Variants in ATP6V0E1 observed in about 807,000 individuals in gnomAD.
ATP6V0E1 encodes ATPase H+ transporting V0 subunit e1.
ATP6V0E1 carries 4 observed loss-of-function variants against 11.6 expected under a neutral mutation model. That is an observed-to-expected ratio of 0.35 (90% CI 0.17 to 0.79). The LOEUF is 0.79. Among genes scored for constraint, ATP6V0E1 ranks in the 30% least tolerant of loss-of-function variants. ATP6V0E1 has a pLI of 0.54. For synonymous variants in ATP6V0E1, 36 were observed against 34.8 expected (o/e 1.04, Z -0.13); for missense variants, 105 against 100.0 (o/e 1.05, Z -0.21).
At chr5:172,986,542 T>G in intron 1 of ATP6V0E1, 1 of 245,534 alleles carries the variant, frequency 4.1e-6, no homozygotes, top group Middle Eastern at 1.6e-3. Context: ...GGGATGGGAG[T>G]GTTTGAGACC....
chr5:172,988,004 C>T (rs866169904), intron 1 of ATP6V0E1, among the ~76,000 whole-genome samples: 30 of 152,278 alleles, frequency 2.0e-4, no homozygotes, highest in African/African-American at 6.0e-4. Context: ...TAAGCCACCT[C>T]GGACCTAATC....
chr5:172,991,815 A>G (rs1755981401), intron 1 of ATP6V0E1, among the ~76,000 whole-genome samples: 1 of 152,072 alleles, frequency 6.6e-6, no homozygotes, highest in Non-Finnish European at 1.5e-5. Flanking sequence ...ATCCACTTGG[A>G]TTATGTAATT....
At chr5:173,017,370 C>T (rs1474825147) in intron 2 of ATP6V0E1, among the ~76,000 whole-genome samples, 1 of 150,804 alleles carries the variant, frequency 6.6e-6, no homozygotes, top group East Asian at 2.0e-4. Flanking sequence ...CCCATCTTTA[C>T]TAAAAATACA....
intron 2 of ATP6V0E1, among the ~76,000 whole-genome samples, chr5:173,000,468 A>C (rs954471971): frequency 2.6e-5 from 4 of 152,204 alleles, no homozygotes; most frequent in African/African-American, 9.6e-5. Context: ...GTGAAGACAC[A>C]GTTGTTTCTT....
Position 173,023,883 on chromosome 5 carries a change from GATGATCTAATA to G in ATP6V0E1, c.*36+3517_*36+3527del, listed in dbSNP as rs1385939819. On this transcript the variant is annotated intron_variant, in intron 3 of 3. Transcript: ENST00000519374. ...ACAAAAAACTTTTCCTCATCAACAG[GATGATCTAATA>G]GACTTGAAATATAGATCATGGGGCC... Among the ~76,000 whole-genome samples the G allele has an allele frequency of 1.6e-4, 25 of 151,708 alleles. 1 individual carries two copies.
At chr5:173,012,710 C>T (rs888538445) in intron 2 of ATP6V0E1, among the ~76,000 whole-genome samples, 1 of 150,538 alleles carries the variant, frequency 6.6e-6, no homozygotes, top group Non-Finnish European at 1.5e-5. Context: ...GCTGAGATCG[C>T]GTGCCATTCC....
At position 173,020,635 on chromosome 5, in the gene ATP6V0E1, C is replaced by T. The variant is rs74759042; in HGVS notation, c.*36+268C>T. On this transcript the variant is annotated intron_variant, in intron 3 of 3. Coordinates refer to ENST00000519374, the MANE Select transcript of ATP6V0E1 (RefSeq NM_003945.4). ...TTAAGCTTGCATGCACTCTTTCAGA[C>T]GCAGATCAAAAAAGTAACTGTTTAT... The T allele has an allele frequency of 5.6e-3, 2,963 of 532,806 alleles. 63 individuals are homozygous for T. The highest frequency in any genetic ancestry group is 0.045 in the African/African-American group (2,392 of 52,906). 33.0% of individuals were successfully genotyped at this position (532,806 alleles called of 1,614,324 possible).
intron 2 of ATP6V0E1, among the ~76,000 whole-genome samples, chr5:172,997,359 A>G (rs557319417): frequency 4.3e-4 from 66 of 152,344 alleles, no homozygotes; most frequent in African/African-American, 1.5e-3. Context: ...AATGTCAGTA[A>G]TATGCAAGAC....
At chr5:173,019,512 C>T (rs1378553832) in intron 2 of ATP6V0E1, among the ~76,000 whole-genome samples, 1 of 151,854 alleles carries the variant, frequency 6.6e-6, no homozygotes, top group African/African-American at 2.4e-5. Context: ...CGAGATTGCA[C>T]CACTGCAGTC....
chr5:173,002,153 C>T (rs1269011510), intron 2 of ATP6V0E1, among the ~76,000 whole-genome samples: 1 of 152,212 alleles, frequency 6.6e-6, no homozygotes, highest in Non-Finnish European at 1.5e-5. Flanking sequence ...AAATCCCAGA[C>T]ATATCAGTTC....
At chr5:172,987,558 A>T (rs1202548240) in intron 1 of ATP6V0E1, among the ~76,000 whole-genome samples, 1 of 152,052 alleles carries the variant, frequency 6.6e-6, no homozygotes, top group Admixed American at 6.6e-5. Flanking sequence ...TGCTGAGATT[A>T]CAGGTGTGAG....
At chr5:173,032,691 T>G (rs914573702) in intron 3 of ATP6V0E1, among the ~76,000 whole-genome samples, 1 of 152,216 alleles carries the variant, frequency 6.6e-6, no homozygotes, top group Non-Finnish European at 1.5e-5. Context: ...CTTTTTTGAT[T>G]GTTTCTTTGT....
intron 2 of ATP6V0E1, among the ~76,000 whole-genome samples, chr5:173,013,178 G>A (rs892727831): frequency 6.6e-6 from 1 of 150,432 alleles, no homozygotes; most frequent in African/African-American, 2.4e-5. Context: ...CAAGACACTT[G>A]TGTTAAAAAA....
chr5:173,024,155 G>A (rs1304290766), intron 3 of ATP6V0E1, among the ~76,000 whole-genome samples: 5 of 135,000 alleles, frequency 3.7e-5, no homozygotes, highest in African/African-American at 8.6e-5. Flanking sequence ...CGGAGATTGC[G>A]CCACTGCATT....
At chr5:173,024,478 C>T (rs1303557065) in intron 3 of ATP6V0E1, among the ~76,000 whole-genome samples, 1 of 151,832 alleles carries the variant, frequency 6.6e-6, no homozygotes, top group Non-Finnish European at 1.5e-5. Flanking sequence ...AGTTTCCTTA[C>T]TTTCTGGCAA....
chr5:172,988,062 T>C lies in ATP6V0E1; in HGVS notation c.104+4098T>C, dbSNP rs145111013. Among the ~76,000 whole-genome samples the C allele has an allele frequency of 3.2e-3, 494 of 152,240 alleles. 6 individuals carry two copies. The highest frequency in any genetic ancestry group is 0.025 in the East Asian group (128 of 5,190). On this transcript the variant is annotated intron_variant, in intron 1 of 3. Transcript: ENST00000519374. ...TCCTATAAGTTTTTTTCCATTTAAATTTTTTTTAACTTTTTAAACTTTTTT... is the reference window on the plus strand; with the variant it reads ...TCCTATAAGTTTTTTTCCATTTAAACTTTTTTTAACTTTTTAAACTTTTTT...
chr5:173,020,916 G>A, intron 3 of ATP6V0E1: 1 of 519,856 alleles, frequency 1.9e-6, no homozygotes, highest in Non-Finnish European at 3.8e-6. Context: ...GTTCTAGTCT[G>A]GGAGCAGACA....
At chr5:173,016,449 A>C (rs1756400954) in intron 2 of ATP6V0E1, among the ~76,000 whole-genome samples, 1 of 152,234 alleles carries the variant, frequency 6.6e-6, no homozygotes, top group Middle Eastern at 3.2e-3. Context: ...ATATTTTAAA[A>C]GTTCCCTGAG....
intron 2 of ATP6V0E1, among the ~76,000 whole-genome samples, chr5:172,999,227 T>A (rs1213158177): frequency 6.6e-6 from 1 of 152,206 alleles, no homozygotes; most frequent in Non-Finnish European, 1.5e-5. Context: ...GACTTCCTGG[T>A]TCTCCATAGT....
Sources: gnomAD v4.1 joint callset for allele counts (sites outside exome capture counted in the v4.1 genomes callset) on GRCh38, gnomAD v4.1.1 for gene constraint, MANE v1.5 for transcripts, NCBI Gene and HGNC (gene_info 2026-07-23, HGNC 2026-07-21) for gene names.